SEPTIN11: variants seen among roughly 807,000 people sequenced by gnomAD.
The protein encoded by SEPTIN11 is septin 11.
SEPTIN11 carries 25 observed loss-of-function variants against 51.4 expected under a neutral mutation model. The ratio of observed to expected loss-of-function variants is 0.49; its 90% CI spans 0.35 to 0.68. The LOEUF (loss-of-function observed/expected upper bound fraction) is 0.68. Among genes scored for constraint, SEPTIN11 ranks in the 30% least tolerant of loss-of-function variants. The pLI is 0.00. For missense variants in SEPTIN11, 381 were observed against 520.8 expected (o/e 0.73, Z 2.61); for synonymous variants, 174 against 184.1 (o/e 0.95, Z 0.44).
intron 1 of SEPTIN11, among the ~76,000 whole-genome samples, chr4:76,976,801 C>A (rs1283400966): frequency 6.6e-6 from 1 of 152,168 alleles, no homozygotes. Context: ...CGTAATTTAA[C>A]AACTAGAGTT....
Position 77,020,573 on chromosome 4 carries a change from C to T in SEPTIN11, c.856C>T (p.Arg286Ter), listed in dbSNP as rs377563788. ...MLIRVNMEDL[R>*]EQTHTRHYEL... is the part of the protein sequence containing the mutation. ...GATCCGCGTGAACATGGAGGACTTG[C>T]GAGAGCAGACTCACACCCGCCACTA... Residue 286 changes from arginine (R) to a stop codon, truncating the protein, a stop_gained, in exon 7 of 10, where the codon CGA becomes TGA. Coordinates refer to ENST00000264893, the MANE Select transcript of SEPTIN11 (RefSeq NM_018243.4). LOFTEE classifies it high-confidence loss of function. The T allele has an allele frequency of 1.2e-6, 2 of 1,613,862 alleles. No homozygotes were observed. The highest frequency in any genetic ancestry group is 1.7e-6 in the Non-Finnish European group (2 of 1,179,982).
chr4:76,962,935 G>A (rs1721884695), intron 1 of SEPTIN11, among the ~76,000 whole-genome samples: 3 of 152,156 alleles, frequency 2.0e-5, no homozygotes, highest in South Asian at 4.1e-4. Context: ...GATAAAAGCT[G>A]GGACCACTTA....
chr4:77,029,079 T>C (rs1183543371), intron 8 of SEPTIN11, among the ~76,000 whole-genome samples: 2 of 152,172 alleles, frequency 1.3e-5, no homozygotes, highest in African/African-American at 2.4e-5. Context: ...TTTACAAGTC[T>C]TAAAACATGA....
intron 1 of SEPTIN11, among the ~76,000 whole-genome samples, chr4:76,990,384 G>T (rs1252253748): frequency 6.6e-6 from 1 of 152,120 alleles, no homozygotes; most frequent in African/African-American, 2.4e-5. Context: ...AGGAAGGCCA[G>T]CTGGCTTCAC....
At chr4:77,010,986 T>C (rs1025206568) in intron 3 of SEPTIN11, among the ~76,000 whole-genome samples, 5 of 152,334 alleles carry the variant, frequency 3.3e-5, no homozygotes, top group Non-Finnish European at 4.4e-5. Context: ...TACACATAAT[T>C]ATCCAAAACA....
intron 1 of SEPTIN11, among the ~76,000 whole-genome samples, chr4:76,964,381 G>T (rs1721949210): frequency 6.9e-6 from 1 of 144,416 alleles, no homozygotes; most frequent in Non-Finnish European, 1.5e-5. Flanking sequence ...ATTCTCTTTA[G>T]CCTCCTCGCT....
intron 5 of SEPTIN11, among the ~76,000 whole-genome samples, chr4:77,018,137 T>G (rs887111454): frequency 2.0e-5 from 3 of 152,200 alleles, no homozygotes; most frequent in Non-Finnish European, 4.4e-5. Flanking sequence ...GTATTCAATA[T>G]AAAAATTATT....
At chr4:77,002,090 T>C (rs1010677461) in intron 2 of SEPTIN11, among the ~76,000 whole-genome samples, 6 of 152,172 alleles carry the variant, frequency 3.9e-5, no homozygotes, top group Admixed American at 3.9e-4. Flanking sequence ...GCTGCTGGAG[T>C]TGCCGTGTCT....
At position 77,034,565 on chromosome 4, in the gene SEPTIN11, G is replaced by GT. The variant is rs1253279006; in HGVS notation, c.*54dup. ...ATTCACCTGCTTTTGCAGTAATATC[G>GT]TATCTCTGCCATGTGTGTTCTTTAG... On this transcript the variant is annotated 3_prime_UTR_variant, in exon 10 of 10. Coordinates refer to ENST00000264893, the MANE Select transcript of SEPTIN11 (RefSeq NM_018243.4). 1.3e-5 allele frequency: 20 copies of GT among 1,505,084 alleles called. No homozygotes were observed. Among genetic ancestry groups the GT allele is most frequent in the East Asian group, 2.5e-5 (1 of 39,964 alleles). 93.2% of individuals were successfully genotyped at this position (1,505,084 alleles called of 1,614,324 possible).
intron 3 of SEPTIN11, among the ~76,000 whole-genome samples, chr4:77,011,239 T>G (rs895165252): frequency 1.3e-5 from 2 of 152,116 alleles, no homozygotes; most frequent in African/African-American, 2.4e-5. Context: ...CACACCAGTT[T>G]CATTTTGTGC....
chr4:77,004,918 G>A (rs917460234), intron 2 of SEPTIN11, among the ~76,000 whole-genome samples: 9 of 152,216 alleles, frequency 5.9e-5, no homozygotes, highest in African/African-American at 1.7e-4. Context: ...AGCCGAGATC[G>A]CGCCACTGTA....
At chr4:76,991,123 T>C (rs1180244512) in intron 1 of SEPTIN11, among the ~76,000 whole-genome samples, 1 of 152,230 alleles carries the variant, frequency 6.6e-6, no homozygotes, top group Non-Finnish European at 1.5e-5. Flanking sequence ...TTCTGATTAA[T>C]TTCAGATTTT....
At chr4:76,960,195 G>A (rs1177865114) in intron 1 of SEPTIN11, among the ~76,000 whole-genome samples, 5 of 152,128 alleles carry the variant, frequency 3.3e-5, no homozygotes, top group Non-Finnish European at 7.4e-5. Context: ...TGAGGTGTTT[G>A]GTTTGACTTA....
intron 1 of SEPTIN11, among the ~76,000 whole-genome samples, chr4:76,989,451 C>T (rs977157129): frequency 1.2e-4 from 18 of 152,136 alleles, no homozygotes; most frequent in African/African-American, 3.4e-4. Context: ...GTCTTGCTTC[C>T]GCCTGCTGAT....
In SEPTIN11 at chr4:77,024,779, G is replaced by A. The variant is rs554430956; in HGVS notation, c.954-3850G>A. On this transcript the variant is annotated intron_variant, in intron 7 of 9. Transcript: ENST00000264893. The surrounding 1 kb of genome is among the most constrained non-coding windows in gnomAD (Gnocchi z 4.2). ...AGCAAGGCAGCCTGGTCTCAGTCCT[G>A]GCTCTGTTACTTCTTTGTGGTGTGA... is the stretch of plus-strand genomic sequence containing the variant. Among the ~76,000 whole-genome samples the A allele has an allele frequency of 4.6e-5, 7 of 152,172 alleles. No homozygotes were observed. The highest frequency in any genetic ancestry group is 8.8e-5 in the Non-Finnish European group (6 of 68,036).
chr4:76,989,722 A>G (rs998916733), intron 1 of SEPTIN11, among the ~76,000 whole-genome samples: 2 of 152,202 alleles, frequency 1.3e-5, no homozygotes, highest in Admixed American at 6.5e-5. Flanking sequence ...TACCATTTCT[A>G]TGTTTAGATA....
rs1317501301 is a variant in SEPTIN11 at position 76,996,414 on chromosome 4, T to G, written c.28-11T>G. On this transcript the variant is annotated splice_polypyrimidine_tract_variant and intron_variant, in intron 1 of 9. Transcript: ENST00000264893. ...CATGGACACTCAAATCTTTCTCCCCTGAAATTGCAGAATGAAGAGCTTCGA... is the reference window on the plus strand; with the variant it reads ...CATGGACACTCAAATCTTTCTCCCCGGAAATTGCAGAATGAAGAGCTTCGA... 1.2e-6 allele frequency: 2 copies of G among 1,601,478 alleles called. No individual in the cohort carries two copies. Among genetic ancestry groups the G allele is most frequent in the Non-Finnish European group, 1.7e-6 (2 of 1,168,598 alleles).
intron 7 of SEPTIN11, among the ~76,000 whole-genome samples, chr4:77,027,487 T>C (rs1004098993): frequency 2.6e-5 from 4 of 152,230 alleles, no homozygotes; most frequent in Non-Finnish European, 5.9e-5. Flanking sequence ...TAGATGTGTG[T>C]ATCTACATGC....
intron 5 of SEPTIN11, among the ~76,000 whole-genome samples, chr4:77,016,629 T>TACACAC (rs1553975018): frequency 1.4e-5 from 1 of 74,058 alleles, no homozygotes; most frequent in African/African-American, 6.2e-5. Context: ...TATATATATA[T>TACACAC]ACACATATAT....
Sources: gnomAD v4.1 joint callset for allele counts (sites outside exome capture counted in the v4.1 genomes callset) on GRCh38, gnomAD v4.1.1 for gene constraint, Gnocchi (gnomAD v3.1) non-coding constraint, MANE v1.5 for transcripts, NCBI Gene and HGNC (gene_info 2026-07-23, HGNC 2026-07-21) for gene names.